RCC1L: variants seen among roughly 807,000 people sequenced by gnomAD.
The protein encoded by RCC1L is RCC1-like G exchanging factor-like protein.
A neutral mutation model predicts 58.6 loss-of-function variants in RCC1L; 46 were observed. The ratio of observed to expected loss-of-function variants is 0.79; its 90% CI spans 0.62 to 1.00. The LOEUF is 1.00. RCC1L is among the 50% of genes least tolerant of loss of function. The probability of loss-of-function intolerance (pLI) is 0.00; values close to 1 mark genes in which losing one functional copy is unlikely to be tolerated. For synonymous variants in RCC1L, 281 were observed against 262.9 expected (o/e 1.07, Z -0.67); for missense variants, 636 against 623.6 (o/e 1.02, Z -0.21).
intron 10 of RCC1L, among the ~76,000 whole-genome samples, chr7:75,051,349 C>CAT (rs1805907793): frequency 6.8e-6 from 1 of 147,404 alleles, no homozygotes; most frequent in African/African-American, 2.5e-5. Flanking sequence ...TATATATACA[C>CAT]ACACACATAT....
exon 11 of RCC1L, chr7:75,028,022 C>A: frequency 6.5e-7 from 1 of 1,534,952 alleles, no homozygotes; most frequent in Non-Finnish European, 8.7e-7. Context: ...CGTCCATCCC[C>A]CGGAGGTAAT....
At chr7:75,051,293 A>AATACATACATATATAT (rs1805902265) in intron 10 of RCC1L, among the ~76,000 whole-genome samples, 1 of 148,506 alleles carries the variant, frequency 6.7e-6, no homozygotes, top group Non-Finnish European at 1.5e-5. Flanking sequence ...CACACATATA[A>AATACATACATATATAT]ATACATACAT....
At chr7:75,061,336 A>G (rs1248695598) in intron 5 of RCC1L, 45 bp from the exon 6 acceptor site, 1 of 1,545,108 alleles carries the variant, frequency 6.5e-7, no homozygotes, top group Non-Finnish European at 8.9e-7. Context: ...AAATACTTAG[A>G]ACCCTGGTGT....
intron 7 of RCC1L, 77 bp from the exon 8 acceptor site, chr7:75,057,693 G>C: frequency 1.6e-6 from 2 of 1,279,736 alleles, no homozygotes; most frequent in Non-Finnish European, 2.3e-6. Flanking sequence ...CTTAGGTACA[G>C]AGTAGCTGAG....
In RCC1L at chr7:75,042,689, T is replaced by C; in HGVS notation, c.*343A>G. The C allele has an allele frequency of 8.3e-7, 1 of 1,202,340 alleles. No individual in the cohort carries two copies. The highest frequency in any genetic ancestry group is 1.0e-6 in the Non-Finnish European group (1 of 959,630). The allele number at this position is 1,202,340 out of a possible 1,614,324, so 74.5% of individuals were successfully genotyped here. ...GACAGAGCAGAAACCTCCCGAGCAC[T>C]GTGTTCAAGCTAAGCTTTCCTAAGA... On this transcript the variant is annotated 3_prime_UTR_variant, in exon 11 of 11. Coordinates refer to ENST00000610322, the MANE Select transcript of RCC1L (RefSeq NM_030798.5).
intron 4 of RCC1L, among the ~76,000 whole-genome samples, chr7:75,063,800 A>G (rs1806358244): frequency 6.6e-6 from 1 of 152,050 alleles, no homozygotes; most frequent in Admixed American, 6.6e-5. Context: ...GACGCCTGTA[A>G]TCCCAGCTAT....
At position 75,042,478 on chromosome 7, in the gene RCC1L, C is replaced by T; in HGVS notation, c.*554G>A. 2.0e-6 allele frequency: 2 copies of T among 989,626 alleles called. No homozygotes were observed. The highest frequency in any genetic ancestry group is 2.4e-6 in the Non-Finnish European group (2 of 832,264). 61.3% of individuals were successfully genotyped at this position (989,626 alleles called of 1,614,324 possible). A position where few individuals can be genotyped will look rare whatever the true frequency, so the allele number is the denominator to read the frequency against. ...GACAGCTCCAGATGGAATCCCAGGC[C>T]ACGGTGCTTCTAGTGTCCCCCCAGC... On this transcript the variant is annotated 3_prime_UTR_variant, in exon 11 of 11. Transcript: ENST00000610322.
intron 10 of RCC1L, among the ~76,000 whole-genome samples, chr7:75,031,376 C>T (rs943436540): frequency 7.2e-5 from 11 of 152,268 alleles, no homozygotes; most frequent in Admixed American, 5.2e-4. Flanking sequence ...CCTACCCCCC[C>T]GGGGCCCTCA....
intron 10 of RCC1L, among the ~76,000 whole-genome samples, chr7:75,044,468 G>A (rs1365918563): frequency 2.7e-5 from 4 of 150,778 alleles, no homozygotes; most frequent in Admixed American, 6.6e-5. Flanking sequence ...GTGTGGTGGC[G>A]CACGCCTATA....
At chr7:75,032,595 C>T (rs1163230055) in intron 10 of RCC1L, among the ~76,000 whole-genome samples, 1 of 152,116 alleles carries the variant, frequency 6.6e-6, no homozygotes, top group East Asian at 1.9e-4. Flanking sequence ...CTGCCCTAGG[C>T]CCCATCAGCC....
intron 10 of RCC1L, among the ~76,000 whole-genome samples, chr7:75,044,956 A>T (rs1805675286): frequency 6.6e-6 from 1 of 152,116 alleles, no homozygotes; most frequent in African/African-American, 2.4e-5. Flanking sequence ...CAGGAGACAG[A>T]GGTTGCAGTG....
intron 2 of RCC1L, 96 bp from the exon 3 acceptor site, chr7:75,066,888 C>T (rs1806511923): frequency 5.5e-6 from 8 of 1,444,040 alleles, no homozygotes; most frequent in South Asian, 4.4e-5. Context: ...AAAAGAGAGT[C>T]GGAGGTAGGA....
intron 9 of RCC1L, among the ~76,000 whole-genome samples, chr7:75,053,859 G>A (rs1805993475): frequency 6.6e-6 from 1 of 152,172 alleles, no homozygotes; most frequent in African/African-American, 2.4e-5. Flanking sequence ...ATCTAAGCAT[G>A]CCCCTTGTTC....
chr7:75,046,547 C>A (rs1002171142), intron 10 of RCC1L, among the ~76,000 whole-genome samples: 4 of 152,178 alleles, frequency 2.6e-5, no homozygotes, highest in African/African-American at 9.6e-5. Context: ...TAGGGACCAG[C>A]GGGAGGCTCC....
chr7:75,064,498 C>G (rs1034558910), intron 4 of RCC1L, 84 bp downstream of exon 4: 1 of 1,518,238 alleles, frequency 6.6e-7, no homozygotes, highest in Non-Finnish European at 9.1e-7. Context: ...TCTGACCGCC[C>G]CGCGGGTTTA....
chr7:75,041,789 A>C (rs1805573338), downstream of RCC1L, among the ~76,000 whole-genome samples: 1 of 148,088 alleles, frequency 6.8e-6, no homozygotes, highest in Non-Finnish European at 1.5e-5. Context: ...ATTTGAACCC[A>C]GGGGGTGGAG....
chr7:75,037,119 C>T (rs1013694273), intron 10 of RCC1L, among the ~76,000 whole-genome samples: 25 of 152,126 alleles, frequency 1.6e-4, no homozygotes, highest in African/African-American at 5.8e-4. Flanking sequence ...GATGTTTCTC[C>T]GGAAAAACAA....
At chr7:75,031,719 T>A (rs936200698) in intron 10 of RCC1L, among the ~76,000 whole-genome samples, 1 of 152,168 alleles carries the variant, frequency 6.6e-6, no homozygotes, top group Non-Finnish European at 1.5e-5. Context: ...GTATAACAAG[T>A]TGCCCCCAAA....
intron 10 of RCC1L, among the ~76,000 whole-genome samples, chr7:75,051,236 G>GTA (rs1265701989): frequency 1.5e-4 from 21 of 144,304 alleles, no homozygotes; most frequent in African/African-American, 5.1e-4. Context: ...TATTATATAT[G>GTA]TATATATATT....
Sources: gnomAD v4.1 joint callset for allele counts (sites outside exome capture counted in the v4.1 genomes callset) on GRCh38, gnomAD v4.1.1 for gene constraint, MANE v1.5 for transcripts, NCBI Gene and HGNC (gene_info 2026-07-23, HGNC 2026-07-21) for gene names.